The following TRMT44 variants were observed in gnomAD, a reference collection of about 807,000 sequenced individuals.
TRMT44 encodes probable tRNA (uracil-O(2)-)-methyltransferase.
In TRMT44, 78 loss-of-function variants were observed where a neutral mutation model predicts 77.3. The observed-to-expected ratio is 1.01, with a 90% confidence interval of 0.84 to 1.22. TRMT44 has a LOEUF of 1.22. Among genes scored for constraint, TRMT44 ranks in the 50% most tolerant of loss-of-function variants. The pLI is 0.00. For missense variants in TRMT44, 1,090 were observed against 964.4 expected (o/e 1.13, Z -1.73); for synonymous variants, 391 against 383.3 (o/e 1.02, Z -0.23).
chr4:8,485,279 G>A (rs995022412), intron 2 of TRMT44, among the ~76,000 whole-genome samples: 3 of 152,178 alleles, frequency 2.0e-5, no homozygotes, highest in South Asian at 4.1e-4. Context: ...GAACGGAATA[G>A]TGAGTTGTGG....
chr4:8,463,909 T>TC (rs1225140030), intron 6 of TRMT44, 76 bp from the exon 7 acceptor site: 7 of 1,242,960 alleles, frequency 5.6e-6, no homozygotes, highest in South Asian at 4.0e-5. Flanking sequence ...GCCTGTACCC[T>TC]CCCGCCATGT....
rs148900052 is a variant in TRMT44 at position 8,444,762 on chromosome 4, T to C, written c.620-1714T>C. Among the ~76,000 whole-genome samples the C allele has an allele frequency of 4.3e-4, 65 of 152,354 alleles. No individual in the cohort carries two copies. Among genetic ancestry groups the C allele is most frequent in the Non-Finnish European group, 8.5e-4 (58 of 68,026 alleles). ...GATTGTTTGTAACACAAAGGATAAA[T>C]GTTTGAGGGGATGGATGCCCCATTC... On this transcript the variant is annotated intron_variant, in intron 1 of 10. Transcript: ENST00000389737. The surrounding 1 kb of genome is among the most constrained non-coding windows in gnomAD (Gnocchi z 4.0).
chr4:8,496,248 T>A (rs1728147228), downstream of TRMT44, among the ~76,000 whole-genome samples: 1 of 152,226 alleles, frequency 6.6e-6, no homozygotes, highest in Non-Finnish European at 1.5e-5. Context: ...TACTTTTGTT[T>A]AAAATAAATC....
chr4:8,500,419 C>G, the TRMT44 span, among the ~76,000 whole-genome samples: 1 of 151,866 alleles, frequency 6.6e-6, no homozygotes, highest in South Asian at 2.1e-4. Context: ...TCGGTTGAAC[C>G]TGGGAGGCAG....
Position 8,471,117 on chromosome 4 carries a change from T to C in TRMT44, c.1961T>C (p.Leu654Pro), listed in dbSNP as rs373296548. Residue 654 changes from leucine to proline, a missense_variant, in exon 10 of 11, where the codon CTG becomes CCG. By Grantham distance (98) the Leu-to-Pro change is moderately conservative. Transcript: ENST00000389737. ...TCTCTGGCAGAAGTAGCCAACGAGC[T>C]GGACACGGAGACCCTGCGGAGGCTG... Reference protein sequence around the residue: ...SLSLAEVANELDTETLRRLKR... With the variant: ...SLSLAEVANEPDTETLRRLKR... The C allele has an allele frequency of 4.4e-5, 71 of 1,606,828 alleles. No homozygotes were observed. Among genetic ancestry groups the C allele is most frequent in the Non-Finnish European group, 5.9e-5 (70 of 1,176,752 alleles).
chr4:8,470,840 C>T (rs1471736021), intron 9 of TRMT44: 9 of 381,154 alleles, frequency 2.4e-5, no homozygotes, highest in East Asian at 9.0e-5. Flanking sequence ...TGGCCCTGTG[C>T]GGGCATGGGG....
rs140596427 is a variant in TRMT44, at chr4:8,489,001, G to A, written n.3892-4265G>A. Among the ~76,000 whole-genome samples, 158 of 152,284 alleles carry A rather than the reference G, an allele frequency of 1.0e-3. 1 individual carries two copies. The highest frequency in any genetic ancestry group is 3.5e-3 in the African/African-American group (147 of 41,554). On this transcript the variant is annotated intron_variant and non_coding_transcript_variant, in intron 2 of 2. Coordinates refer to the TRMT44 transcript ENST00000511366. ...GAAAGGAACTGTGTTACCTGGCAAC[G>A]CAGAAGGGATGAAAATCACCAGTAA... is the stretch of plus-strand genomic sequence containing the variant.
At position 8,465,302 on chromosome 4, in the gene TRMT44, T is replaced by C. The variant is rs1268131009; in HGVS notation, c.1311-76T>C. 5.6e-6 allele frequency: 8 copies of C among 1,427,146 alleles called. No individual in the cohort carries two copies. In the Admixed American group the frequency reaches 1.3e-4, roughly 23 times the overall value. 88.4% of individuals were successfully genotyped at this position (1,427,146 alleles called of 1,614,324 possible). A position where few individuals can be genotyped will look rare whatever the true frequency, so the allele number is the denominator to read the frequency against. ...ATTTTGCCCTGATATGCGATTGCCG[T>C]GTGGCTTTGTTCCGAATTTCCTTGA... On this transcript the variant is annotated intron_variant, in intron 7 of 10. Coordinates refer to ENST00000389737, the MANE Select transcript of TRMT44 (RefSeq NM_152544.3).
In TRMT44 at chr4:8,454,846, A is replaced by G. The variant is rs752752655; in HGVS notation, c.1203+33A>G. On this transcript the variant is annotated intron_variant, in intron 6 of 10. Transcript: ENST00000389737. ...CTTTATTACGCATGCCCTTGATCTC[A>G]GCATGGCTTAGCTCCCAGTGGGAAT... The G allele has an allele frequency of 1.9e-6, 3 of 1,591,616 alleles. No individual in the cohort carries two copies. In the East Asian group the frequency reaches 6.7e-5, roughly 36 times the overall value.
Position 8,449,800 on chromosome 4 carries a change from A to C in TRMT44, c.866A>C (p.Asp289Ala). 2.6e-6 allele frequency: 4 copies of C among 1,536,042 alleles called. No homozygotes were observed. Among genetic ancestry groups the C allele is most frequent in the Non-Finnish European group, 3.5e-6 (4 of 1,146,858 alleles). ...TGGTCTGTAGAGAACAAGAAGAGTG[A>C]CTTTAAAAGCACCCTTTCCCTCATC... ...AKWSVENKKS[D>A]FKSTLSLISI... The change falls in exon 3 of 11, where the codon GAC becomes GCC. Residue 289 changes from aspartate (D) to alanine (A), a missense_variant. Coordinates refer to ENST00000389737, the MANE Select transcript of TRMT44 (RefSeq NM_152544.3).
Position 8,468,111 on chromosome 4 carries a change from C to T in TRMT44, c.1692C>T (p.Val564=), listed in dbSNP as rs1263784092. The T allele has an allele frequency of 3.1e-6, 5 of 1,613,742 alleles. No homozygotes were observed. The highest frequency in any genetic ancestry group is 2.7e-5 in the African/African-American group (2 of 74,922). ...CDGQQALDAR[V]GCVTRAWAAE... is the part of the protein sequence containing the mutation. ...GTCAGCAAGCTCTGGACGCCAGGGT[C>T]GGGTGTGTAACCAGGGCCTGGGCCG... Residue 564 remains valine (V), a synonymous_variant, in exon 9 of 11, where the codon GTC becomes GTT. Coordinates refer to ENST00000389737, the MANE Select transcript of TRMT44 (RefSeq NM_152544.3).
chr4:8,482,264 A>C (rs1282000832), intron 2 of TRMT44: 1 of 152,168 alleles, frequency 6.6e-6, no homozygotes, highest in Admixed American at 6.5e-5. Context: ...TTGCCGTCCT[A>C]GCCACAGCCG....
chr4:8,460,122 G>A (rs181369870), intron 6 of TRMT44, among the ~76,000 whole-genome samples: 32 of 152,288 alleles, frequency 2.1e-4, no homozygotes, highest in Non-Finnish European at 5.9e-5. Flanking sequence ...CTGGTACTGA[G>A]GACAGAGAAA....
At chr4:8,510,246 TC>T in the TRMT44 span, 4 of 152,638 alleles carry the variant, frequency 2.6e-5, no homozygotes, top group African/African-American at 4.8e-5. Flanking sequence ...GAGAATCCGT[TC>T]CCTGCCTTTT....
rs960425824 is a variant in TRMT44 at position 8,441,417 on chromosome 4, C to T, written c.595C>T (p.Pro199Ser). ...KTSPHCPLTT[P>S]RREIVVQDVL... The stretch of plus-strand genomic sequence containing the variant: ...TAGCCCACATTGCCCCCTTACAACT[C>T]CCAGGAGGGAAATAGTCGTGCAAGG... The change falls in exon 1 of 11, where the codon CCC (proline) becomes TCC (serine). Residue 199 changes from proline to serine, a missense_variant. Physicochemically the swap from Pro to Ser is moderately conservative, Grantham distance 74 (BLOSUM62 -1). Coordinates refer to ENST00000389737, the MANE Select transcript of TRMT44 (RefSeq NM_152544.3). 3.3e-6 allele frequency: 5 copies of T among 1,519,812 alleles called. No homozygotes were observed. The African/African-American group carries it at 5.5e-5, about 17-fold the overall frequency. The allele number at this position is 1,519,812 out of a possible 1,614,324, so 94.1% of individuals were successfully genotyped here.
At chr4:8,501,692 T>C in the TRMT44 span, among the ~76,000 whole-genome samples, 1 of 152,190 alleles carries the variant, frequency 6.6e-6, no homozygotes, top group Non-Finnish European at 1.5e-5. The surrounding 1 kb of genome is among the most constrained non-coding windows in gnomAD (Gnocchi z 4.4). Context: ...CCTTTCCCTT[T>C]TCCTTTCCCC....
intron 2 of TRMT44, among the ~76,000 whole-genome samples, chr4:8,484,826 G>A (rs1279349340): frequency 6.6e-6 from 1 of 152,200 alleles, no homozygotes. Flanking sequence ...CAGGAAGGAA[G>A]GGGTTGTTTT....
chr4:8,464,864 A>G (rs1169310089), intron 7 of TRMT44, among the ~76,000 whole-genome samples: 2 of 152,244 alleles, frequency 1.3e-5, no homozygotes, highest in Non-Finnish European at 2.9e-5. Flanking sequence ...TTTTAATATG[A>G]AAAACAATAT....
At chr4:8,482,496 GAGTC>G (rs1727654744) in intron 2 of TRMT44, 1 of 152,226 alleles carries the variant, frequency 6.6e-6, no homozygotes, top group Non-Finnish European at 1.5e-5. Flanking sequence ...TCCAAAAAGA[GAGTC>G]AGCAAAGGGA....
Sources: allele counts gnomAD v4.1 joint callset (sites outside exome capture counted in the v4.1 genomes callset), GRCh38; gene constraint gnomAD v4.1.1; non-coding constraint Gnocchi (gnomAD v3.1); transcripts MANE v1.5; gene names NCBI Gene and HGNC (gene_info 2026-07-23, HGNC 2026-07-21).